The following GRIN2B variants were observed in gnomAD, a reference collection of about 807,000 sequenced individuals.
GRIN2B encodes glutamate ionotropic receptor NMDA type subunit 2B.
In GRIN2B, 5 loss-of-function variants were observed where a neutral mutation model predicts 114.5. The ratio of observed to expected loss-of-function variants is 0.04; its 90% CI spans 0.02 to 0.09. The LOEUF (loss-of-function observed/expected upper bound fraction) is 0.09. Ranked by LOEUF, GRIN2B falls within the 10% of genes least tolerant of loss-of-function variation. The pLI is 1.00. For missense variants in GRIN2B, 1,108 were observed against 1,943.5 expected, an observed-to-expected ratio of 0.57 and a Z score of 8.08; for synonymous variants, 787 against 745.1, an observed-to-expected ratio of 1.06 and a Z score of -0.92.
At chr12:13,708,609 G>A (rs1043811619) in intron 4 of GRIN2B, among the ~76,000 whole-genome samples, 1 of 151,916 alleles carries the variant, frequency 6.6e-6, no homozygotes. Flanking sequence ...TTGAATTTGT[G>A]GGGTTTTTTG....
intron 4 of GRIN2B, among the ~76,000 whole-genome samples, chr12:13,725,868 G>A (rs531798238): frequency 7.2e-5 from 11 of 152,194 alleles, no homozygotes; most frequent in East Asian, 1.9e-4. Context: ...AGAGGTGAGC[G>A]CATGGGGTTA....
chr12:13,731,423 C>T (rs1728424062), intron 4 of GRIN2B, among the ~76,000 whole-genome samples: 1 of 152,086 alleles, frequency 6.6e-6, no homozygotes, highest in African/African-American at 2.4e-5. Context: ...CACGGTGAAA[C>T]CCCGTGTCCA....
In GRIN2B at chr12:13,563,126, T is replaced by C. The variant is rs755797497; in HGVS notation, c.4112A>G (p.Tyr1371Cys). 9.9e-6 allele frequency: 16 copies of C among 1,614,068 alleles called. No homozygotes were observed. The highest frequency in any genetic ancestry group is 1.3e-5 in the Non-Finnish European group (15 of 1,180,044). Residue 1371 changes from tyrosine to cysteine, a missense_variant, in exon 14 of 14, where the codon TAC becomes TGC. Transcript: ENST00000609686. ...HHHHNNPGGG[Y>C]MLSKSLYPDR... ...AGGGTAGAGCGACTTGCTGAGCATG[T>C]ACCCGCCGCCGGGGTTGTTGTGGTG...
At chr12:13,914,201 C>A (rs1410816221) in intron 2 of GRIN2B, among the ~76,000 whole-genome samples, 1 of 152,168 alleles carries the variant, frequency 6.6e-6, no homozygotes, top group Non-Finnish European at 1.5e-5. Flanking sequence ...CTTTTCACTA[C>A]TGGTCCCCTG....
intron 3 of GRIN2B, among the ~76,000 whole-genome samples, chr12:13,850,700 T>C (rs1200647111): frequency 6.6e-6 from 1 of 152,220 alleles, no homozygotes; most frequent in African/African-American, 2.4e-5. Flanking sequence ...TTAGCCCCTG[T>C]TGCAATAGCT....
intron 3 of GRIN2B, among the ~76,000 whole-genome samples, chr12:13,783,011 C>A (rs1010333279): frequency 4.6e-5 from 7 of 152,070 alleles, no homozygotes; most frequent in African/African-American, 1.7e-4. Flanking sequence ...TCCTTCCCCC[C>A]AAAAAACCTA....
At chr12:13,951,605 T>C (rs1867480436) in intron 2 of GRIN2B, among the ~76,000 whole-genome samples, 1 of 152,180 alleles carries the variant, frequency 6.6e-6, no homozygotes, top group Admixed American at 6.5e-5. Flanking sequence ...TTGTCAAAAA[T>C]CTAGGAAGAC....
At chr12:13,885,815 C>T (rs777556297) in intron 2 of GRIN2B, among the ~76,000 whole-genome samples, 2 of 152,172 alleles carry the variant, frequency 1.3e-5, no homozygotes, top group Non-Finnish European at 2.9e-5. Context: ...AAGGTGGTAA[C>T]GGTATATAGC....
At chr12:13,731,349 C>T (rs1237118098) in intron 4 of GRIN2B, among the ~76,000 whole-genome samples, 1 of 152,162 alleles carries the variant, frequency 6.6e-6, no homozygotes, top group Non-Finnish European at 1.5e-5. Context: ...CCTGTAATCC[C>T]AGCACTTTGG....
At chr12:13,701,882 GA>G (rs1950316220) in intron 4 of GRIN2B, among the ~76,000 whole-genome samples, 1 of 152,222 alleles carries the variant, frequency 6.6e-6, no homozygotes, top group African/African-American at 2.4e-5. Context: ...CAGAGGTTCA[GA>G]AGAGCTGTGA....
intron 5 of GRIN2B, among the ~76,000 whole-genome samples, chr12:13,651,024 T>C (rs536662922): frequency 1.3e-5 from 2 of 152,134 alleles, no homozygotes; most frequent in South Asian, 4.1e-4. Context: ...TCTTACTCTC[T>C]GCTCTTCTAC....
At chr12:13,828,768 A>C (rs1019930908) in intron 3 of GRIN2B, among the ~76,000 whole-genome samples, 1 of 152,090 alleles carries the variant, frequency 6.6e-6, no homozygotes, top group African/African-American at 2.4e-5. Flanking sequence ...TCAGATTGCC[A>C]CACTCCCTCA....
At chr12:13,739,896 C>T (rs1170267429) in intron 4 of GRIN2B, among the ~76,000 whole-genome samples, 1 of 152,154 alleles carries the variant, frequency 6.6e-6, no homozygotes, top group Non-Finnish European at 1.5e-5. Flanking sequence ...ATGGCAACAC[C>T]ATGGTTCCTA....
At chr12:13,599,043 C>T (rs1165567642) in intron 10 of GRIN2B, among the ~76,000 whole-genome samples, 1 of 152,194 alleles carries the variant, frequency 6.6e-6, no homozygotes, top group Admixed American at 6.5e-5. Context: ...TTCTCAGGAT[C>T]ATGTTGGCCT....
chr12:13,799,025 G>C (rs534974468), intron 3 of GRIN2B, among the ~76,000 whole-genome samples: 2 of 152,304 alleles, frequency 1.3e-5, no homozygotes, highest in South Asian at 4.1e-4. Context: ...AGAAAATACT[G>C]ACAAGTTTGG....
chr12:13,958,149 A>T (rs1207917484), intron 2 of GRIN2B, among the ~76,000 whole-genome samples: 2 of 152,208 alleles, frequency 1.3e-5, no homozygotes, highest in Non-Finnish European at 2.9e-5. Context: ...AGTGTTTGTG[A>T]TAAAGTGAAA....
chr12:13,655,995 C>G (rs777434463), intron 5 of GRIN2B, among the ~76,000 whole-genome samples: 1 of 152,138 alleles, frequency 6.6e-6, no homozygotes, highest in Non-Finnish European at 1.5e-5. Flanking sequence ...ACCTCCACTC[C>G]CTTCTAGCTT....
intron 2 of GRIN2B, among the ~76,000 whole-genome samples, chr12:13,970,830 C>T (rs1215416027): frequency 1.3e-5 from 2 of 152,146 alleles, no homozygotes; most frequent in African/African-American, 4.8e-5. Context: ...ATTTCTTCTG[C>T]AGTCCTTCTT....
intron 2 of GRIN2B, among the ~76,000 whole-genome samples, chr12:13,937,569 AT>A (rs536399108): frequency 5.3e-5 from 8 of 152,152 alleles, no homozygotes; most frequent in Non-Finnish European, 1.2e-4. Flanking sequence ...AAGTAAAAGC[AT>A]TTTAAGATAA....
Sources: gnomAD v4.1 joint callset for allele counts (sites outside exome capture counted in the v4.1 genomes callset) on GRCh38, gnomAD v4.1.1 for gene constraint, MANE v1.5 for transcripts, NCBI Gene and HGNC (gene_info 2026-07-23, HGNC 2026-07-21) for gene names.